The following LSAMP variants were observed in gnomAD, a reference collection of about 807,000 sequenced individuals.
LSAMP encodes the protein limbic system associated membrane protein.
LSAMP carries 7 observed loss-of-function variants against 38.6 expected under a neutral mutation model. That is an observed-to-expected ratio of 0.18 (90% CI 0.10 to 0.34). LSAMP has a LOEUF of 0.34. LSAMP is among the 10% of genes least tolerant of loss of function. The pLI, the probability that LSAMP is intolerant of heterozygous loss-of-function variation, is 1.00. For missense variants in LSAMP, 313 were observed against 420.0 expected (o/e 0.75, Z 2.23); for synonymous variants, 154 against 166.8 (o/e 0.92, Z 0.59).
At chr3:115,984,223 GAAA>G (rs112437748) in intron 3 of LSAMP, among the ~76,000 whole-genome samples, 2,420 of 148,182 alleles carry the variant, frequency 0.016, 60 homozygotes, top group African/African-American at 0.055. Flanking sequence ...TATTCACAAA[GAAA>G]AAAAAAATCA....
intron 3 of LSAMP, among the ~76,000 whole-genome samples, chr3:115,872,209 G>A (rs1398364668): frequency 6.6e-6 from 1 of 152,110 alleles, no homozygotes; most frequent in Non-Finnish European, 1.5e-5. Context: ...ACTCTTGGGT[G>A]GGCATGTGTG....
chr3:116,177,444 A>C (rs907579031), intron 1 of LSAMP, among the ~76,000 whole-genome samples: 2 of 152,076 alleles, frequency 1.3e-5, no homozygotes, highest in Non-Finnish European at 2.9e-5. Flanking sequence ...GGCAAGCAGG[A>C]TATAGGCTTC....
intron 1 of LSAMP, among the ~76,000 whole-genome samples, chr3:116,397,731 C>T (rs997889760): frequency 6.7e-6 from 1 of 149,588 alleles, no homozygotes; most frequent in African/African-American, 2.5e-5. Flanking sequence ...ATGGGAATTG[C>T]ACTGAAAAAA....
chr3:116,337,344 A>T (rs188261744), intron 1 of LSAMP, among the ~76,000 whole-genome samples: 1 of 152,014 alleles, frequency 6.6e-6, no homozygotes, highest in Non-Finnish European at 1.5e-5. Context: ...ACAATAAAAA[A>T]CCTAGGGATA....
intron 2 of LSAMP, among the ~76,000 whole-genome samples, chr3:116,047,587 T>G (rs139173461): frequency 1.7e-4 from 26 of 152,236 alleles, no homozygotes; most frequent in Non-Finnish European, 3.2e-4. Flanking sequence ...CATCTCTTTC[T>G]TTTGATCCTT....
At chr3:116,398,239 C>G (rs1396893166) in intron 1 of LSAMP, among the ~76,000 whole-genome samples, 1 of 152,064 alleles carries the variant, frequency 6.6e-6, no homozygotes. Flanking sequence ...GTACCTAACA[C>G]TGCTTAGTTA....
In LSAMP at chr3:115,808,366, G is replaced by T. The variant is rs1933696023; in HGVS notation, c.*1951C>A. On this transcript the variant is annotated 3_prime_UTR_variant, in exon 7 of 7. Coordinates refer to ENST00000490035, the MANE Select transcript of LSAMP (RefSeq NM_002338.5). ...TCTCATGAACTGAACCACTTTCAGT[G>T]CTTACTACTGTGTAAGTGAGAGCAA... The T allele has an allele frequency of 6.6e-6, 1 of 151,936 alleles. No individual in the cohort carries two copies. Among genetic ancestry groups the T allele is most frequent in the African/African-American group, 2.4e-5 (1 of 41,324 alleles). The allele number at this position is 151,936 out of a possible 1,614,324, so 9.4% of individuals were successfully genotyped here. A position where few individuals can be genotyped will look rare whatever the true frequency, so the allele number is the denominator to read the frequency against.
At chr3:116,230,863 G>A (rs1676682533) in intron 1 of LSAMP, among the ~76,000 whole-genome samples, 1 of 152,196 alleles carries the variant, frequency 6.6e-6, no homozygotes, top group South Asian at 2.1e-4. Context: ...ATTGCCTTCA[G>A]TTAAACGAAA....
chr3:116,253,372 T>C lies in LSAMP; in HGVS notation c.156-166816A>G, dbSNP rs190054053. Among the ~76,000 whole-genome samples the C allele has an allele frequency of 5.3e-5, 8 of 152,268 alleles. No individual in the cohort carries two copies. In the East Asian group the frequency reaches 1.2e-3, roughly 22 times the overall value. ...AAACAAAGAGTTCCTATGGTGGTGG[T>C]TATAAACATCAGCTAAACTCCCTGG... On this transcript the variant is annotated intron_variant, in intron 1 of 6. Coordinates refer to ENST00000490035, the MANE Select transcript of LSAMP (RefSeq NM_002338.5).
intron 2 of LSAMP, among the ~76,000 whole-genome samples, chr3:116,079,414 A>G (rs1341042191): frequency 6.6e-6 from 1 of 152,124 alleles, no homozygotes; most frequent in Non-Finnish European, 1.5e-5. Context: ...ATCCCAGCAC[A>G]ATGGGAGGCC....
chr3:116,369,601 A>G (rs2048403330), intron 1 of LSAMP, among the ~76,000 whole-genome samples: 1 of 152,178 alleles, frequency 6.6e-6, no homozygotes, highest in Non-Finnish European at 1.5e-5. Context: ...ACGGAGAAAC[A>G]GGAAGTTACT....
At chr3:115,998,514 C>T (rs1006350163) in intron 3 of LSAMP, among the ~76,000 whole-genome samples, 10 of 151,962 alleles carry the variant, frequency 6.6e-5, no homozygotes, top group African/African-American at 2.4e-4. Context: ...CACTAGACCA[C>T]ACTCAGAAAA....
chr3:115,804,438 C>A lies in LSAMP; in HGVS notation c.*5879G>T, dbSNP rs982166591. 2.0e-5 allele frequency: 3 copies of A among 152,176 alleles called. No homozygotes were observed. Among genetic ancestry groups the A allele is most frequent in the African/African-American group, 7.2e-5 (3 of 41,448 alleles). 9.4% of individuals were successfully genotyped at this position (152,176 alleles called of 1,614,324 possible). A position where few individuals can be genotyped will look rare whatever the true frequency, so the allele number is the denominator to read the frequency against. ...TTTGTGGCTGAACTTGGGGTTAGAA[C>A]CCAATTCTCCTGACTCCCAATTCAA... On this transcript the variant is annotated 3_prime_UTR_variant, in exon 7 of 7. Coordinates refer to ENST00000490035, the MANE Select transcript of LSAMP (RefSeq NM_002338.5).
intron 1 of LSAMP, among the ~76,000 whole-genome samples, chr3:116,326,120 A>G (rs2047768495): frequency 6.6e-6 from 1 of 152,118 alleles, no homozygotes; most frequent in African/African-American, 2.4e-5. Flanking sequence ...TCTCAATTTA[A>G]TCAATCAAAC....
intron 6 of LSAMP, among the ~76,000 whole-genome samples, chr3:115,832,061 G>C (rs1395786297): frequency 1.3e-5 from 2 of 152,144 alleles, no homozygotes; most frequent in African/African-American, 4.8e-5. Flanking sequence ...ACAGCTTGAA[G>C]GGGTTAGGAC....
chr3:116,048,201 C>T (rs1426393010), intron 2 of LSAMP, among the ~76,000 whole-genome samples: 1 of 152,184 alleles, frequency 6.6e-6, no homozygotes, highest in Non-Finnish European at 1.5e-5. Context: ...GTATCAATGA[C>T]AGGGCTTCTG....
In LSAMP at chr3:116,290,333, A is replaced by AT. The variant is rs1356860932; in HGVS notation, c.155+154543dup. Among the ~76,000 whole-genome samples the AT allele has an allele frequency of 2.0e-5, 3 of 152,154 alleles. No individual in the cohort carries two copies. The East Asian group carries it at 5.8e-4, about 29-fold the overall frequency. Reference sequence around the variant, plus strand: ...GGGAAAATATTAAATTTCACTCCTTATGTTGTAACACATTCAAAAACAAGT... The same window carrying AT: ...GGGAAAATATTAAATTTCACTCCTTATTGTTGTAACACATTCAAAAACAAGT... On this transcript the variant is annotated intron_variant, in intron 1 of 6. Coordinates refer to ENST00000490035, the MANE Select transcript of LSAMP (RefSeq NM_002338.5).
intron 3 of LSAMP, among the ~76,000 whole-genome samples, chr3:115,930,224 C>A (rs1236792947): frequency 6.6e-6 from 1 of 151,916 alleles, no homozygotes; most frequent in African/African-American, 2.4e-5. Context: ...TAACCTCCTT[C>A]AACAAAATTA....
chr3:115,893,609 G>A (rs1936655965), intron 3 of LSAMP, among the ~76,000 whole-genome samples: 1 of 151,904 alleles, frequency 6.6e-6, no homozygotes, highest in Non-Finnish European at 1.5e-5. Context: ...GAAAAATTGA[G>A]TTGTCTCTTT....
Sources: gnomAD v4.1 joint callset for allele counts (sites outside exome capture counted in the v4.1 genomes callset) on GRCh38, gnomAD v4.1.1 for gene constraint, MANE v1.5 for transcripts, NCBI Gene and HGNC (gene_info 2026-07-23, HGNC 2026-07-21) for gene names.